Variants in ESCO2 observed in about 807,000 individuals in gnomAD.
ESCO2 encodes N-acetyltransferase ESCO2.
A neutral mutation model predicts 61.7 loss-of-function variants in ESCO2; 51 were observed. The observed-to-expected ratio is 0.83, with a 90% CI of 0.66 to 1.04. The LOEUF (loss-of-function observed/expected upper bound fraction) is 1.04, where lower values mean the gene tolerates loss of function less well. Among genes scored for constraint, ESCO2 ranks in the 50% least tolerant of loss-of-function variants. The pLI, the probability that ESCO2 is intolerant of heterozygous loss-of-function variation, is 0.00. For synonymous variants in ESCO2, 230 were observed against 238.2 expected (o/e 0.97, Z 0.32); for missense variants, 692 against 686.2 (o/e 1.01, Z -0.09).
Position 27,803,456 on chromosome 8 carries a change from A to G in ESCO2, c.*18A>G, listed in dbSNP as rs751989156. 1.4e-5 allele frequency: 22 copies of G among 1,611,734 alleles called. No homozygotes were observed. In the Admixed American group the frequency reaches 3.7e-4, roughly 27 times the overall value. ...ATAGTTAAAGCTGATTTCAGTTATA[A>G]AGGAGTTACTATCTGGATAAGTTCA... is the stretch of plus-strand genomic sequence containing the variant. On this transcript the variant is annotated 3_prime_UTR_variant, in exon 11 of 11. Transcript: ENST00000305188.
chr8:27,772,571 C>G (rs1475177168), upstream of ESCO2: 6 of 1,547,718 alleles, frequency 3.9e-6, no homozygotes, highest in Non-Finnish European at 5.2e-6. Flanking sequence ...GACTCCACCG[C>G]GGAGCAGCAG....
downstream of ESCO2, chr8:27,810,452 C>T (rs2294092): frequency 6.2e-6 from 10 of 1,608,562 alleles, no homozygotes; most frequent in East Asian, 1.6e-4. Flanking sequence ...TAGTTCCCAA[C>T]GCTGCATAGT....
At chr8:27,797,945 T>G (rs1455169018) in intron 9 of ESCO2, among the ~76,000 whole-genome samples, 1 of 152,232 alleles carries the variant, frequency 6.6e-6, no homozygotes, top group Non-Finnish European at 1.5e-5. Context: ...AGGCAAGATG[T>G]AGCTAACTAA....
rs201354290 is a variant in ESCO2, at chr8:27,776,612, A to T, written c.304A>T (p.Ile102Leu). Reference protein sequence around the residue: ...WYLNPLERKLIKESRSTCLKT... With the variant: ...WYLNPLERKLLKESRSTCLKT... Reference sequence around the variant, plus strand: ...CCTCAATCCACTGGAGAGAAAGCTGATAAAAGAGAGTAGATCTACTTGTCT... The same window carrying T: ...CCTCAATCCACTGGAGAGAAAGCTGTTAAAAGAGAGTAGATCTACTTGTCT... The change falls in exon 3 of 11, where the codon ATA becomes TTA. Residue 102 changes from isoleucine (I) to leucine (L), a missense_variant. Transcript: ENST00000305188. The T allele has an allele frequency of 1.2e-6, 2 of 1,614,184 alleles. No individual in the cohort carries two copies. Among genetic ancestry groups the T allele is most frequent in the Non-Finnish European group, 1.7e-6 (2 of 1,180,032 alleles).
downstream of ESCO2, among the ~76,000 whole-genome samples, chr8:27,815,026 T>C (rs1208022801): frequency 6.6e-6 from 1 of 152,100 alleles, no homozygotes; most frequent in East Asian, 1.9e-4. Context: ...TCCTCACAAA[T>C]AAGGTTAGAG....
intron 1 of ESCO2, chr8:27,774,879 C>T (rs1023168267): frequency 1.3e-5 from 2 of 152,540 alleles, no homozygotes; most frequent in Non-Finnish European, 2.9e-5. Flanking sequence ...GGACGCTTTC[C>T]TCTCCTACCT....
At chr8:27,772,486 G>A (rs1324328142), upstream of ESCO2, 3 of 1,549,578 alleles carry the variant, frequency 1.9e-6, no homozygotes, top group East Asian at 2.4e-5. Context: ...GTCCAGCAGG[G>A]TCCAGGAGGA....
At position 27,803,905 on chromosome 8, in the gene ESCO2, T is replaced by A. The variant is rs1805508589; in HGVS notation, c.*467T>A. ...CCAATTTGTAAAGGGAATTCCTGAA[T>A]TTTTTTTTTTTTTTAATAGAGGCAT... On this transcript the variant is annotated 3_prime_UTR_variant, in exon 11 of 11. Transcript: ENST00000305188. 6 of 145,022 alleles carry A rather than the reference T, an allele frequency of 4.1e-5. No homozygotes were observed. The highest frequency in any genetic ancestry group is 2.8e-4 in the South Asian group (1 of 3,626). The allele number at this position is 145,022 out of a possible 1,614,324, so 9.0% of individuals were successfully genotyped here.
At chr8:27,780,396 T>C in intron 4 of ESCO2, 129 bp downstream of exon 4, 1 of 671,166 alleles carries the variant, frequency 1.5e-6, no homozygotes, top group Non-Finnish European at 2.7e-6. Flanking sequence ...GTATCTTTGT[T>C]TATCTCTGTG....
At chr8:27,806,646 T>G (rs1805569493), downstream of ESCO2, among the ~76,000 whole-genome samples, 1 of 150,882 alleles carries the variant, frequency 6.6e-6, no homozygotes, top group Non-Finnish European at 1.5e-5. Flanking sequence ...TTAGACGGAG[T>G]TTTGCTCTTG....
At chr8:27,772,511 A>G (rs1256234130), upstream of ESCO2, 3 of 1,549,898 alleles carry the variant, frequency 1.9e-6, no homozygotes, top group Non-Finnish European at 2.6e-6. Context: ...GCGCCCACTC[A>G]CCGCTGCTGC....
At chr8:27,794,165 T>C (rs1805243402) in intron 9 of ESCO2, among the ~76,000 whole-genome samples, 1 of 152,248 alleles carries the variant, frequency 6.6e-6, no homozygotes, top group African/African-American at 2.4e-5. Context: ...GTTGATTACA[T>C]ATCTTGGCTA....
chr8:27,780,107 G>A, intron 3 of ESCO2, 67 bp from the exon 4 acceptor site: 1 of 875,704 alleles, frequency 1.1e-6, no homozygotes, highest in Non-Finnish European at 1.9e-6. Context: ...AGATCTGCTG[G>A]GATTCATTCA....
intron 7 of ESCO2, among the ~76,000 whole-genome samples, chr8:27,789,871 G>C (rs1249134335): frequency 6.6e-6 from 1 of 151,682 alleles, no homozygotes; most frequent in Non-Finnish European, 1.5e-5. Context: ...CAGAAGTTTG[G>C]TGCTCTTTAA....
At position 27,776,256 on chromosome 8, in the gene ESCO2, A is replaced by G. The variant is rs551235434; in HGVS notation, c.54-106A>G. 5.3e-5 allele frequency: 45 copies of G among 848,466 alleles called. No homozygotes were observed. In the East Asian group the frequency reaches 1.0e-3, roughly 19 times the overall value. The allele number at this position is 848,466 out of a possible 1,614,324, so 52.6% of individuals were successfully genotyped here. A position where few individuals can be genotyped will look rare whatever the true frequency, so the allele number is the denominator to read the frequency against. ...AGAAAATTGTGTGTATGGGGGGTAC[A>G]TGTATTGTTTTTAATATGACCTACA... is the stretch of plus-strand genomic sequence containing the variant. On this transcript the variant is annotated intron_variant, in intron 2 of 10. Coordinates refer to ENST00000305188, the MANE Select transcript of ESCO2 (RefSeq NM_001017420.3).
Position 27,804,773 on chromosome 8 carries a change from A to G in ESCO2, c.*1335A>G. 1.0e-6 allele frequency: 1 copy of G among 983,048 alleles called. No individual in the cohort carries two copies. Among genetic ancestry groups the G allele is most frequent in the Non-Finnish European group, 1.2e-6 (1 of 827,788 alleles). The allele number at this position is 983,048 out of a possible 1,614,324, so 60.9% of individuals were successfully genotyped here. A position where few individuals can be genotyped will look rare whatever the true frequency, so the allele number is the denominator to read the frequency against. On this transcript the variant is annotated 3_prime_UTR_variant, in exon 11 of 11. Transcript: ENST00000305188. ...AATGTGGAAGTATTAAAATGTATGT[A>G]ATTATGCAAACATTTTAATGCTATT...
At chr8:27,793,791 A>C (rs1437474903) in intron 9 of ESCO2, among the ~76,000 whole-genome samples, 2 of 152,044 alleles carry the variant, frequency 1.3e-5, no homozygotes, top group Admixed American at 1.3e-4. Flanking sequence ...GGCCTTTAGC[A>C]ATTTTCAAGT....
downstream of ESCO2, chr8:27,810,900 T>C (rs1805664722): frequency 1.8e-6 from 2 of 1,121,808 alleles, no homozygotes. Context: ...GATAAAATTA[T>C]ATAATCTTTA....
At position 27,784,064 on chromosome 8, in the gene ESCO2, ATTG is replaced by A. The variant is rs756016809; in HGVS notation, c.1013+10_1013+12del. 1 of 1,612,266 alleles carries A rather than the reference ATTG, an allele frequency of 6.2e-7. No individual in the cohort carries two copies. The highest frequency in any genetic ancestry group is 8.5e-7 in the Non-Finnish European group (1 of 1,178,512). On this transcript the variant is annotated splice_region_variant and intron_variant, in intron 5 of 10. Transcript: ENST00000305188. ...CTTCAGTCAATTCAAAAAGGTGAGAATTGTTATTGTTTTAAAGTCCAAGCCTTG... is the reference window on the plus strand; with the variant it reads ...CTTCAGTCAATTCAAAAAGGTGAGAATTATTGTTTTAAAGTCCAAGCCTTG...
Sources: allele counts gnomAD v4.1 joint callset (sites outside exome capture counted in the v4.1 genomes callset), GRCh38; gene constraint gnomAD v4.1.1; transcripts MANE v1.5; gene names NCBI Gene and HGNC (gene_info 2026-07-23, HGNC 2026-07-21).